ARIH1: variants seen among roughly 807,000 people sequenced by gnomAD.
ARIH1 encodes the protein E3 ubiquitin-protein ligase ARIH1.
ARIH1 carries 8 observed loss-of-function variants against 85.0 expected under a neutral mutation model. That is an observed-to-expected ratio of 0.09 (90% CI 0.06 to 0.17). ARIH1 has a LOEUF of 0.17. Among genes scored for constraint, ARIH1 ranks in the 10% least tolerant of loss-of-function variants. The pLI, the probability that ARIH1 is intolerant of heterozygous loss-of-function variation, is 1.00. For synonymous variants in ARIH1, 238 were observed against 253.6 expected, an observed-to-expected ratio of 0.94 and a Z score of 0.59; for missense variants, 311 against 718.1, an observed-to-expected ratio of 0.43 and a Z score of 6.48.
Position 72,602,427 on chromosome 15 carries a change from A to G in ARIH1, c.*19135A>G, listed in dbSNP as rs912534726. 5 of 152,126 alleles carry G rather than the reference A, an allele frequency of 3.3e-5. No individual in the cohort carries two copies. The highest frequency in any genetic ancestry group is 7.2e-5 in the African/African-American group (3 of 41,424). The allele number at this position is 152,126 out of a possible 1,614,324, so 9.4% of individuals were successfully genotyped here. Reference sequence around the variant, plus strand: ...TTTCATATGTTAAAGAGCCATTTGTATTTCTTGGTGAATTGTTCATAAACT... The same window carrying G: ...TTTCATATGTTAAAGAGCCATTTGTGTTTCTTGGTGAATTGTTCATAAACT... On this transcript the variant is annotated 3_prime_UTR_variant, in exon 14 of 14. Transcript: ENST00000379887.
At chr15:72,542,623 G>A (rs1196449305) in intron 2 of ARIH1, among the ~76,000 whole-genome samples, 2 of 152,140 alleles carry the variant, frequency 1.3e-5, no homozygotes, top group African/African-American at 4.8e-5. Flanking sequence ...AAAGACAAAG[G>A]TGTCTGTTAG....
intron 7 of ARIH1, among the ~76,000 whole-genome samples, chr15:72,565,475 C>G (rs1405008308): frequency 6.6e-6 from 1 of 151,804 alleles, no homozygotes; most frequent in Non-Finnish European, 1.5e-5. Context: ...CTCCAAACAT[C>G]TATAGAATTA....
intron 6 of ARIH1, 34 bp from the exon 7 acceptor site, chr15:72,563,360 G>A (rs2140432902): frequency 6.3e-7 from 1 of 1,580,482 alleles, no homozygotes; most frequent in Non-Finnish European, 8.7e-7. Flanking sequence ...TGCCCAGCCA[G>A]CTGTCATTTT....
chr15:72,482,667 A>G (rs183321756), intron 1 of ARIH1, among the ~76,000 whole-genome samples: 4 of 152,186 alleles, frequency 2.6e-5, no homozygotes, highest in Admixed American at 6.5e-5. Flanking sequence ...TAGATTGGTT[A>G]TCTTTTGCCT....
Position 72,549,656 on chromosome 15 carries a change from A to G in ARIH1, c.588+4692A>G, listed in dbSNP as rs576922527. On this transcript the variant is annotated intron_variant, in intron 3 of 13. Transcript: ENST00000379887. Reference sequence around the variant, plus strand: ...AATTTTTATAAACAAAGGGGTTTCAATTTTAGAGGTTATATGGACAACTTA... The same window carrying G: ...AATTTTTATAAACAAAGGGGTTTCAGTTTTAGAGGTTATATGGACAACTTA... Among the ~76,000 whole-genome samples, 12 of 152,278 alleles carry G rather than the reference A, an allele frequency of 7.9e-5. No homozygotes were observed. In the South Asian group the frequency reaches 1.9e-3, roughly 24 times the overall value.
intron 1 of ARIH1, among the ~76,000 whole-genome samples, chr15:72,513,952 T>G (rs904529923): frequency 6.7e-6 from 1 of 148,804 alleles, no homozygotes; most frequent in Non-Finnish European, 1.5e-5. Flanking sequence ...CACAGCTCAT[T>G]GCAACCTCAG....
chr15:72,479,221 T>C (rs1432539543), intron 1 of ARIH1, among the ~76,000 whole-genome samples: 1 of 152,170 alleles, frequency 6.6e-6, no homozygotes, highest in Non-Finnish European at 1.5e-5. Context: ...GTAAGTATAA[T>C]TAAATATTCC....
chr15:72,474,921 G>T lies in ARIH1; in HGVS notation c.282G>T (p.Glu94Asp). The T allele has an allele frequency of 6.6e-7, 1 of 1,509,830 alleles. No homozygotes were observed. Among genetic ancestry groups the T allele is most frequent in the Admixed American group, 2.1e-5 (1 of 47,040 alleles). 93.5% of individuals were successfully genotyped at this position (1,509,830 alleles called of 1,614,324 possible). Residue 94 changes from glutamate to aspartate, a missense_variant, in exon 1 of 14, where the codon GAG becomes GAT. Transcript: ENST00000379887. ...GGGGGGGPGH[E>D]QEEDYRYEVL... ...GTGGTGGTGGCGGGCCGGGGCATGA[G>T]CAGGAGGAGGATTACCGCTACGAGG...
intron 1 of ARIH1, among the ~76,000 whole-genome samples, chr15:72,513,207 C>T (rs927096654): frequency 4.6e-5 from 7 of 152,076 alleles, no homozygotes; most frequent in African/African-American, 1.7e-4. Context: ...AATTACTTTT[C>T]TCTTTGTTCC....
rs1236856385 is a variant in ARIH1 at position 72,536,527 on chromosome 15, TG to T, written c.444-8286del. Among the ~76,000 whole-genome samples the T allele has an allele frequency of 3.3e-5, 5 of 152,226 alleles. No individual in the cohort carries two copies. The South Asian group carries it at 6.2e-4, about 19-fold the overall frequency. ...AAAATTTTTTATCGTAAAAGCTGAA[TG>T]GGGGGGATGTAAGAGGTCAATTTAC... On this transcript the variant is annotated intron_variant, in intron 2 of 13. Coordinates refer to ENST00000379887, the MANE Select transcript of ARIH1 (RefSeq NM_005744.5).
intron 2 of ARIH1, among the ~76,000 whole-genome samples, chr15:72,518,773 C>T (rs888153534): frequency 6.9e-6 from 1 of 144,512 alleles, no homozygotes; most frequent in African/African-American, 2.6e-5. Flanking sequence ...GGCAACAGAG[C>T]GAGACTCTAT....
At chr15:72,547,802 C>T (rs918038441) in intron 3 of ARIH1, among the ~76,000 whole-genome samples, 2 of 152,132 alleles carry the variant, frequency 1.3e-5, no homozygotes, top group Non-Finnish European at 2.9e-5. Context: ...TACTTCTTGG[C>T]GTTTTTCCTC....
chr15:72,538,877 A>G (rs1260591501), intron 2 of ARIH1, among the ~76,000 whole-genome samples: 1 of 152,226 alleles, frequency 6.6e-6, no homozygotes, highest in African/African-American at 2.4e-5. Flanking sequence ...AAATTGACAG[A>G]TTATTGTCTA....
intron 1 of ARIH1, among the ~76,000 whole-genome samples, chr15:72,481,447 C>T (rs2063816341): frequency 1.3e-5 from 2 of 152,158 alleles, no homozygotes; most frequent in Non-Finnish European, 2.9e-5. Flanking sequence ...CGGTGGCTCA[C>T]ACCTGTAATC....
chr15:72,511,476 TG>T (rs1277377233), intron 1 of ARIH1, among the ~76,000 whole-genome samples: 1 of 152,222 alleles, frequency 6.6e-6, no homozygotes, highest in East Asian at 1.9e-4. Context: ...GCTAATTTTT[TG>T]TATTTTTAGT....
chr15:72,566,555 C>A lies in ARIH1; in HGVS notation c.912-8C>A. 6.2e-7 allele frequency: 1 copy of A among 1,611,120 alleles called. No individual in the cohort carries two copies. The highest frequency in any genetic ancestry group is 8.5e-7 in the Non-Finnish European group (1 of 1,178,098). Reference sequence around the variant, plus strand: ...TTAATTCTATTAACTCTTTGTGTCACTTAACAGCTTTAACTGTGGAGAAAA... The same window carrying A: ...TTAATTCTATTAACTCTTTGTGTCAATTAACAGCTTTAACTGTGGAGAAAA... On this transcript the variant is annotated splice_region_variant and splice_polypyrimidine_tract_variant and intron_variant, in intron 7 of 13. Coordinates refer to ENST00000379887, the MANE Select transcript of ARIH1 (RefSeq NM_005744.5).
chr15:72,475,218 T>C lies in ARIH1; in HGVS notation c.375+204T>C, dbSNP rs140631947. Reference sequence around the variant, plus strand: ...ATTAGCCGGGTGTGGGGAGGTGCGCTGGGGGCGGTGCTTCCCAAGTCCTGC... The same window carrying C: ...ATTAGCCGGGTGTGGGGAGGTGCGCCGGGGGCGGTGCTTCCCAAGTCCTGC... On this transcript the variant is annotated intron_variant, in intron 1 of 13. Transcript: ENST00000379887. 35 of 1,174,888 alleles carry C rather than the reference T, an allele frequency of 3.0e-5. No individual in the cohort carries two copies. In the African/African-American group the frequency reaches 5.0e-4, roughly 17 times the overall value. 72.8% of individuals were successfully genotyped at this position (1,174,888 alleles called of 1,614,324 possible).
chr15:72,596,303 GT>G lies in ARIH1; in HGVS notation c.*13014del, dbSNP rs2064363522. Reference sequence around the variant, plus strand: ...ATTTTATTGTACTCAGGCCTCATTTGTTTCTGGTGAGAAGTCATTCATCATT... The same window carrying G: ...ATTTTATTGTACTCAGGCCTCATTTGTTCTGGTGAGAAGTCATTCATCATT... On this transcript the variant is annotated 3_prime_UTR_variant, in exon 14 of 14. Coordinates refer to ENST00000379887, the MANE Select transcript of ARIH1 (RefSeq NM_005744.5). The G allele has an allele frequency of 6.6e-6, 1 of 152,112 alleles. No individual in the cohort carries two copies. The highest frequency in any genetic ancestry group is 2.4e-5 in the African/African-American group (1 of 41,424). 9.4% of individuals were successfully genotyped at this position (152,112 alleles called of 1,614,324 possible).
At chr15:72,541,135 G>T (rs2064105416) in intron 2 of ARIH1, among the ~76,000 whole-genome samples, 1 of 152,188 alleles carries the variant, frequency 6.6e-6, no homozygotes, top group South Asian at 2.1e-4. Context: ...GGATGTGGGG[G>T]TTAAAAGGAA....
Sources: allele counts gnomAD v4.1 joint callset (sites outside exome capture counted in the v4.1 genomes callset), GRCh38; gene constraint gnomAD v4.1.1; transcripts MANE v1.5; gene names NCBI Gene and HGNC (gene_info 2026-07-23, HGNC 2026-07-21).